KIAA1958: variants seen among roughly 807,000 people sequenced by gnomAD.
The protein encoded by KIAA1958 is KIAA1958.
A neutral mutation model predicts 47.2 loss-of-function variants in KIAA1958; 14 were observed. The ratio of observed to expected loss-of-function variants is 0.30; its 90% CI spans 0.20 to 0.46. The LOEUF (loss-of-function observed/expected upper bound fraction) is 0.46. KIAA1958 is among the 20% of genes least tolerant of loss of function. KIAA1958 has a pLI of 1.00. For synonymous variants in KIAA1958, 354 were observed against 353.3 expected (o/e 1.00, Z -0.02); for missense variants, 803 against 909.2 (o/e 0.88, Z 1.50).
chr9:112,654,496 T>C (rs1837115327), intron 3 of KIAA1958, among the ~76,000 whole-genome samples: 1 of 152,058 alleles, frequency 6.6e-6, no homozygotes, highest in Non-Finnish European at 1.5e-5. Context: ...CTTGCAGCTA[T>C]GTGAAAAAAG....
At chr9:112,573,510 A>G (rs535202010) in intron 1 of KIAA1958, among the ~76,000 whole-genome samples, 64 of 152,114 alleles carry the variant, frequency 4.2e-4, no homozygotes, top group African/African-American at 1.5e-3. Flanking sequence ...TCCCAGTTGC[A>G]TTGTCTTCTG....
In KIAA1958 at chr9:112,662,185, T is replaced by C. The variant is rs1776685634; in HGVS notation, c.*2116T>C. Reference sequence around the variant, plus strand: ...AATGTGTTGCCTGTCACCTAGTTGATGTTCCATAAAATCCCTGGGTTCTGA... The same window carrying C: ...AATGTGTTGCCTGTCACCTAGTTGACGTTCCATAAAATCCCTGGGTTCTGA... On this transcript the variant is annotated 3_prime_UTR_variant, in exon 4 of 4. Transcript: ENST00000337530. The C allele has an allele frequency of 6.6e-6, 1 of 152,214 alleles. No individual in the cohort carries two copies. Among genetic ancestry groups the C allele is most frequent in the Non-Finnish European group, 1.5e-5 (1 of 68,042 alleles). The allele number at this position is 152,214 out of a possible 1,614,324, so 9.4% of individuals were successfully genotyped here.
At chr9:112,624,583 T>G (rs1836572282) in intron 2 of KIAA1958, among the ~76,000 whole-genome samples, 1 of 152,234 alleles carries the variant, frequency 6.6e-6, no homozygotes, top group Non-Finnish European at 1.5e-5. Flanking sequence ...CTAATTTTAC[T>G]TTTCTAAACA....
chr9:112,581,374 G>A (rs1228711749), intron 2 of KIAA1958, among the ~76,000 whole-genome samples: 4 of 152,094 alleles, frequency 2.6e-5, no homozygotes, highest in Non-Finnish European at 5.9e-5. Flanking sequence ...TACTCTGTGA[G>A]AAGTGAAGTA....
chr9:112,540,439 C>T (rs981709736), intron 1 of KIAA1958, among the ~76,000 whole-genome samples: 4 of 152,068 alleles, frequency 2.6e-5, no homozygotes, highest in Non-Finnish European at 4.4e-5. Context: ...CAATTGTTGA[C>T]TCTATGTGGG....
rs566203702 is a variant in KIAA1958 at position 112,602,545 on chromosome 9, G to C, written c.1171+27294G>C. Among the ~76,000 whole-genome samples the C allele has an allele frequency of 3.9e-5, 6 of 152,234 alleles. No individual in the cohort carries two copies. In the South Asian group the frequency reaches 1.2e-3, roughly 32 times the overall value. On this transcript the variant is annotated intron_variant, in intron 2 of 3. Coordinates refer to ENST00000337530, the MANE Select transcript of KIAA1958 (RefSeq NM_133465.4). ...AGGAGGTTGAAGGGAGAGTGAGGGAGCTATCCATTGGTTTTATGGGTTATG... is the reference window on the plus strand; with the variant it reads ...AGGAGGTTGAAGGGAGAGTGAGGGACCTATCCATTGGTTTTATGGGTTATG...
At chr9:112,653,453 A>G (rs1837094748) in intron 3 of KIAA1958, among the ~76,000 whole-genome samples, 1 of 152,112 alleles carries the variant, frequency 6.6e-6, no homozygotes, top group South Asian at 2.1e-4. Flanking sequence ...TTTTGTACTG[A>G]GCTCAGCTGA....
At chr9:112,657,917 C>T (rs143773587) in intron 3 of KIAA1958, among the ~76,000 whole-genome samples, 48 of 151,156 alleles carry the variant, frequency 3.2e-4, no homozygotes, top group Middle Eastern at 6.9e-3. Context: ...AGTGCAGTGG[C>T]GCAATCTCGG....
chr9:112,515,259 TG>T (rs1191534570), intron 1 of KIAA1958, among the ~76,000 whole-genome samples: 1 of 66,090 alleles, frequency 1.5e-5, no homozygotes, highest in African/African-American at 5.8e-5. Flanking sequence ...GGGAGGGAGG[TG>T]GGGGGGTCAG....
chr9:112,658,500 C>T (rs892849887), intron 3 of KIAA1958, among the ~76,000 whole-genome samples: 1 of 152,046 alleles, frequency 6.6e-6, no homozygotes, highest in African/African-American at 2.4e-5. Flanking sequence ...TTACAAACAA[C>T]CAATAATAAT....
chr9:112,609,438 A>C (rs1202027872), intron 2 of KIAA1958, among the ~76,000 whole-genome samples: 2 of 152,238 alleles, frequency 1.3e-5, no homozygotes, highest in African/African-American at 4.8e-5. Context: ...ATAGGAATTT[A>C]CTGTAAAAAA....
At chr9:112,581,048 GT>G (rs1340967261) in intron 2 of KIAA1958, among the ~76,000 whole-genome samples, 1 of 152,048 alleles carries the variant, frequency 6.6e-6, no homozygotes, top group Non-Finnish European at 1.5e-5. Context: ...AGTCTGATGT[GT>G]TTATTTATTT....
intron 3 of KIAA1958, among the ~76,000 whole-genome samples, chr9:112,648,248 ATAG>A (rs545068021): frequency 3.7e-4 from 57 of 152,306 alleles, no homozygotes; most frequent in Non-Finnish European, 6.6e-4. Context: ...GAGAGAATTA[ATAG>A]TAGGTTTGTG....
chr9:112,529,761 T>C (rs1834720936), intron 1 of KIAA1958, among the ~76,000 whole-genome samples: 1 of 152,202 alleles, frequency 6.6e-6, no homozygotes, highest in Admixed American at 6.5e-5. Context: ...AAAGTACTCT[T>C]TTCCCTACCT....
At chr9:112,496,968 C>T (rs1834059698) in intron 1 of KIAA1958, among the ~76,000 whole-genome samples, 1 of 152,112 alleles carries the variant, frequency 6.6e-6, no homozygotes, top group South Asian at 2.1e-4. Context: ...GTCCTATCAC[C>T]TGATATTGTT....
chr9:112,496,274 T>C (rs1367184396), intron 1 of KIAA1958, among the ~76,000 whole-genome samples: 1 of 152,196 alleles, frequency 6.6e-6, no homozygotes, highest in Non-Finnish European at 1.5e-5. Flanking sequence ...CAGTAGTATG[T>C]ATGAATCTCA....
Position 112,617,851 on chromosome 9 carries a change from C to T in KIAA1958, c.1172-27799C>T, listed in dbSNP as rs924228137. On this transcript the variant is annotated intron_variant, in intron 2 of 3. Transcript: ENST00000337530. Reference sequence around the variant, plus strand: ...ACTCATCAACACCCTCTCTATCCCTCCCCCCCCAATTTGTTGCAGACCAGG... The same window carrying T: ...ACTCATCAACACCCTCTCTATCCCTTCCCCCCCAATTTGTTGCAGACCAGG... 6.0e-6 allele frequency: 9 copies of T among 1,507,510 alleles called. No individual in the cohort carries two copies. In the Admixed American group the frequency reaches 6.1e-5, roughly 10 times the overall value. The allele number at this position is 1,507,510 out of a possible 1,614,324, so 93.4% of individuals were successfully genotyped here. A position where few individuals can be genotyped will look rare whatever the true frequency, so the allele number is the denominator to read the frequency against.
intron 1 of KIAA1958, among the ~76,000 whole-genome samples, chr9:112,516,578 A>T (rs572204378): frequency 6.6e-6 from 1 of 152,330 alleles, no homozygotes; most frequent in African/African-American, 2.4e-5. Flanking sequence ...ATTTCAGCAA[A>T]GTTTTTAGTA....
intron 1 of KIAA1958, among the ~76,000 whole-genome samples, chr9:112,526,228 G>C (rs1834649319): frequency 7.0e-6 from 1 of 143,136 alleles, no homozygotes; most frequent in African/African-American, 2.6e-5. Flanking sequence ...CGTTTGTGCT[G>C]CTATAACAGA....
Sources: gnomAD v4.1 joint callset for allele counts (sites outside exome capture counted in the v4.1 genomes callset) on GRCh38, gnomAD v4.1.1 for gene constraint, MANE v1.5 for transcripts, NCBI Gene and HGNC (gene_info 2026-07-23, HGNC 2026-07-21) for gene names.